The following AGBL4 variants were observed in gnomAD, a reference collection of about 807,000 sequenced individuals.
AGBL4 encodes cytosolic carboxypeptidase 6.
A neutral mutation model predicts 66.4 loss-of-function variants in AGBL4; 58 were observed. The ratio of observed to expected loss-of-function variants is 0.87; its 90% confidence interval spans 0.71 to 1.09. The LOEUF is 1.09. Ranked by LOEUF, AGBL4 falls within the 50% of genes least tolerant of loss-of-function variation. The pLI, the probability that AGBL4 is intolerant of heterozygous loss-of-function variation, is 0.00. For synonymous variants in AGBL4, 234 were observed against 222.9 expected (o/e 1.05, Z -0.44); for missense variants, 579 against 631.0 (o/e 0.92, Z 0.88).
intron 6 of AGBL4, among the ~76,000 whole-genome samples, chr1:48,836,748 T>C (rs1170950402): frequency 6.6e-6 from 1 of 151,984 alleles, no homozygotes; most frequent in Non-Finnish European, 1.5e-5. Context: ...AAAACAACCT[T>C]GTGAGATATG....
At chr1:49,932,227 A>T (rs1269023446) in intron 1 of AGBL4, among the ~76,000 whole-genome samples, 1 of 152,212 alleles carries the variant, frequency 6.6e-6, no homozygotes, top group Non-Finnish European at 1.5e-5. Context: ...ATTTTCAGCA[A>T]TGATGCAAAG....
intron 5 of AGBL4, among the ~76,000 whole-genome samples, chr1:48,949,881 T>G (rs920358280): frequency 6.6e-6 from 1 of 152,186 alleles, no homozygotes; most frequent in Admixed American, 6.5e-5. Flanking sequence ...GAATTGAAAC[T>G]GTGTTTCTGT....
At chr1:48,639,741 A>G (rs1322409896) in intron 8 of AGBL4, among the ~76,000 whole-genome samples, 1 of 152,238 alleles carries the variant, frequency 6.6e-6, no homozygotes, top group African/African-American at 2.4e-5. Flanking sequence ...GAGTCAAGGC[A>G]TGAGAGAGCA....
chr1:48,608,815 G>C (rs1033953805), intron 9 of AGBL4, among the ~76,000 whole-genome samples: 1 of 151,958 alleles, frequency 6.6e-6, no homozygotes, highest in African/African-American at 2.4e-5. Flanking sequence ...AGCACTAAAA[G>C]AAAGTTTGTT....
intron 3 of AGBL4, among the ~76,000 whole-genome samples, chr1:49,544,465 C>T (rs1294890955): frequency 6.6e-6 from 1 of 152,162 alleles, no homozygotes; most frequent in East Asian, 1.9e-4. Context: ...ACATAAATAC[C>T]GTGCTCTTCC....
At chr1:49,553,166 GGCCTGA>G (rs1369954492) in intron 3 of AGBL4, among the ~76,000 whole-genome samples, 1 of 152,156 alleles carries the variant, frequency 6.6e-6, no homozygotes. Flanking sequence ...CAGTCAGGCA[GGCCTGA>G]GCCTGAGTGA....
chr1:49,109,215 A>G lies in AGBL4; in HGVS notation c.378-63415T>C, dbSNP rs78704686. Among the ~76,000 whole-genome samples the G allele has an allele frequency of 6.8e-3, 1,032 of 152,238 alleles. 10 individuals are homozygous for G. Among genetic ancestry groups the G allele is most frequent in the African/African-American group, 0.023 (962 of 41,538 alleles). ...CTTTTACTTCCCTGGATTGGGGAGA[A>G]GGTTTCCCCAGTCATCTTAGCTACA... On this transcript the variant is annotated intron_variant, in intron 4 of 13. Transcript: ENST00000371839.
intron 2 of AGBL4, among the ~76,000 whole-genome samples, chr1:49,738,934 A>G (rs1474745915): frequency 6.6e-6 from 1 of 152,250 alleles, no homozygotes; most frequent in African/African-American, 2.4e-5. Context: ...CCAAAGGTAG[A>G]TAAAACCACA....
At chr1:49,877,111 C>A (rs1042020529) in intron 1 of AGBL4, among the ~76,000 whole-genome samples, 5 of 151,500 alleles carry the variant, frequency 3.3e-5, no homozygotes, top group Non-Finnish European at 7.4e-5. Flanking sequence ...CAAACAGGGA[C>A]AATTTGACTT....
At chr1:49,007,812 C>T (rs980984335) in intron 5 of AGBL4, among the ~76,000 whole-genome samples, 1 of 151,758 alleles carries the variant, frequency 6.6e-6, no homozygotes, top group African/African-American at 2.4e-5. Flanking sequence ...AAATACTTTA[C>T]AGACAAGCAA....
At chr1:49,512,202 T>C (rs1005477021) in intron 3 of AGBL4, among the ~76,000 whole-genome samples, 3 of 151,908 alleles carry the variant, frequency 2.0e-5, no homozygotes, top group African/African-American at 7.2e-5. Flanking sequence ...TCCCTTAAAA[T>C]GTGTAAGAAG....
At chr1:49,248,305 T>C (rs1260001941) in intron 3 of AGBL4, among the ~76,000 whole-genome samples, 1 of 152,210 alleles carries the variant, frequency 6.6e-6, no homozygotes, top group African/African-American at 2.4e-5. Flanking sequence ...AATAACCTAA[T>C]TGTAAATTAG....
chr1:49,827,189 A>G (rs1645532739), intron 2 of AGBL4, among the ~76,000 whole-genome samples: 2 of 152,120 alleles, frequency 1.3e-5, no homozygotes, highest in Admixed American at 1.3e-4. Flanking sequence ...CACAGTACCT[A>G]AAGAGATATG....
intron 3 of AGBL4, among the ~76,000 whole-genome samples, chr1:49,344,979 T>C (rs553294460): frequency 1.3e-5 from 2 of 152,310 alleles, no homozygotes; most frequent in Admixed American, 1.3e-4. Context: ...TTTTATAATA[T>C]CAAGTGTTTG....
chr1:49,930,684 A>G (rs550426271), intron 1 of AGBL4, among the ~76,000 whole-genome samples: 1 of 152,228 alleles, frequency 6.6e-6, no homozygotes, highest in East Asian at 1.9e-4. Flanking sequence ...CGATCTCAAT[A>G]TATCCATTAA....
At chr1:49,587,249 A>C (rs1407620008) in intron 3 of AGBL4, among the ~76,000 whole-genome samples, 2 of 152,112 alleles carry the variant, frequency 1.3e-5, no homozygotes, top group Non-Finnish European at 2.9e-5. Flanking sequence ...TCCATCTCAA[A>C]ACAGAAGAAA....
intron 7 of AGBL4, among the ~76,000 whole-genome samples, chr1:48,661,745 G>C (rs1369485873): frequency 6.6e-6 from 1 of 152,192 alleles, no homozygotes; most frequent in Non-Finnish European, 1.5e-5. Context: ...AGGGGTTTGG[G>C]CTCCCAGAGA....
chr1:48,975,759 T>C (rs1026934906), intron 5 of AGBL4, among the ~76,000 whole-genome samples: 2 of 152,164 alleles, frequency 1.3e-5, no homozygotes, highest in Non-Finnish European at 2.9e-5. Flanking sequence ...TCCTAGAGCA[T>C]TTCTTCCTGC....
chr1:49,728,236 A>T (rs17105750), intron 2 of AGBL4, among the ~76,000 whole-genome samples: 3,565 of 152,248 alleles, frequency 0.023, 120 homozygotes, highest in African/African-American at 0.082. Context: ...TAACAGGGAG[A>T]TTACCCAGCA....
Sources: gnomAD v4.1 joint callset for allele counts (sites outside exome capture counted in the v4.1 genomes callset) on GRCh38, gnomAD v4.1.1 for gene constraint, MANE v1.5 for transcripts, NCBI Gene and HGNC (gene_info 2026-07-23, HGNC 2026-07-21) for gene names.